AASDH: variants seen among roughly 807,000 people sequenced by gnomAD.
AASDH encodes the protein beta-alanine-activating enzyme.
In AASDH, 81 loss-of-function variants were observed where a neutral mutation model predicts 102.3. The observed-to-expected ratio is 0.79, with a 90% CI of 0.66 to 0.95. The LOEUF (loss-of-function observed/expected upper bound fraction) is 0.95. Among genes scored for constraint, AASDH ranks in the 40% least tolerant of loss-of-function variants. The pLI, the probability that AASDH is intolerant of heterozygous loss-of-function variation, is 0.00. For synonymous variants in AASDH, 398 were observed against 454.0 expected, an observed-to-expected ratio of 0.88 and a Z score of 1.57; for missense variants, 1,203 against 1,266.2, an observed-to-expected ratio of 0.95 and a Z score of 0.76.
chr4:56,371,416 T>C (rs756540211), intron 5 of AASDH, 35 bp downstream of exon 5: 6 of 1,547,302 alleles, frequency 3.9e-6, no homozygotes, highest in East Asian at 2.3e-5. Flanking sequence ...TATTGAAAAA[T>C]GATAAACAAA....
chr4:56,360,945 G>A (rs2109925015), intron 5 of AASDH, among the ~76,000 whole-genome samples: 1 of 152,270 alleles, frequency 6.6e-6, no homozygotes, highest in South Asian at 2.1e-4. Context: ...TACCTGTTAT[G>A]CCAAGAAGTT....
Position 56,338,753 on chromosome 4 carries a change from G to A in AASDH, c.2946C>T (p.Ser982=), listed in dbSNP as rs1444511978. 1.2e-6 allele frequency: 2 copies of A among 1,613,920 alleles called. No individual in the cohort carries two copies. Among genetic ancestry groups the A allele is most frequent in the Non-Finnish European group, 1.7e-6 (2 of 1,179,994 alleles). ...QFSTSGPIFS[S]PCTSPSEQKI... is the part of the protein sequence containing the mutation. ...TTTGCTCTGATGGTGAGGTACACGGGGATGAAAAGATTGGTCCACTGGTAG... is the reference window on the plus strand; with the variant it reads ...TTTGCTCTGATGGTGAGGTACACGGAGATGAAAAGATTGGTCCACTGGTAG... The change falls in exon 15 of 15, where the codon TCC becomes TCT. Residue 982 remains serine, a synonymous_variant. Transcript: ENST00000205214.
At chr4:56,373,856 A>T (rs1181294351) in intron 4 of AASDH, among the ~76,000 whole-genome samples, 1 of 152,208 alleles carries the variant, frequency 6.6e-6, no homozygotes, top group African/African-American at 2.4e-5. Flanking sequence ...TCATTTCACG[A>T]AAGCAGCTTA....
chr4:56,377,779 T>C (rs79731077), intron 4 of AASDH, among the ~76,000 whole-genome samples: 1,948 of 149,976 alleles, frequency 0.013, 49 homozygotes, highest in African/African-American at 0.044. Context: ...TTTAAAATTA[T>C]TTTTTTCCCT....
At chr4:56,353,680 C>A in intron 8 of AASDH, 84 bp from the exon 9 acceptor site, 1 of 1,254,778 alleles carries the variant, frequency 8.0e-7, no homozygotes. Context: ...TGTCTGAAAT[C>A]AAAACAGCTG....
At chr4:56,353,984 G>T in intron 8 of AASDH, 55 bp downstream of exon 8, 1 of 1,452,092 alleles carries the variant, frequency 6.9e-7, no homozygotes, top group Non-Finnish European at 9.1e-7. Flanking sequence ...ATTGGTGGTG[G>T]CTGCTTCTAC....
chr4:56,368,173 C>T (rs1363885117), intron 5 of AASDH, among the ~76,000 whole-genome samples: 2 of 152,170 alleles, frequency 1.3e-5, no homozygotes, highest in East Asian at 1.9e-4. Flanking sequence ...AATGAGATAC[C>T]ATCTCTCACT....
At chr4:56,366,533 G>T (rs1751034564) in intron 5 of AASDH, among the ~76,000 whole-genome samples, 4 of 151,944 alleles carry the variant, frequency 2.6e-5, no homozygotes, top group African/African-American at 9.7e-5. Context: ...TGATCAAGTG[G>T]GCTTCATCCC....
At chr4:56,349,035 G>A (rs905082879) in intron 11 of AASDH, 2 of 541,378 alleles carry the variant, frequency 3.7e-6, no homozygotes, top group Non-Finnish European at 6.4e-6. Context: ...AAGAGGTTCA[G>A]TAACTTGCCA....
chr4:56,377,734 A>G (rs1752520530), intron 4 of AASDH, among the ~76,000 whole-genome samples: 1 of 152,214 alleles, frequency 6.6e-6, no homozygotes, highest in South Asian at 2.1e-4. Flanking sequence ...TCTTAGGACT[A>G]TTAATTTAGG....
chr4:56,383,919 G>T (rs200419125), intron 2 of AASDH, 151 bp downstream of exon 2: 97 of 345,320 alleles, frequency 2.8e-4, no homozygotes, highest in Admixed American at 8.0e-5. Context: ...AAATAATACT[G>T]GGGAAATGCA....
chr4:56,354,464 G>C (rs183500939), intron 7 of AASDH, among the ~76,000 whole-genome samples: 4 of 151,866 alleles, frequency 2.6e-5, no homozygotes, highest in African/African-American at 9.7e-5. Flanking sequence ...TATAATTTTG[G>C]CTATAAATAT....
intron 14 of AASDH, 47 bp from the exon 15 acceptor site, chr4:56,338,838 C>T: frequency 6.5e-7 from 1 of 1,538,262 alleles, no homozygotes; most frequent in East Asian, 2.4e-5. Context: ...TCTAATTGCT[C>T]CAATTCTCCC....
intron 12 of AASDH, among the ~76,000 whole-genome samples, chr4:56,344,723 C>G (rs769351019): frequency 1.3e-5 from 2 of 152,070 alleles, no homozygotes; most frequent in African/African-American, 2.4e-5. Flanking sequence ...CTGAGTAGCA[C>G]ACTTATTTGT....
chr4:56,377,045 C>T (rs983308507), intron 4 of AASDH, among the ~76,000 whole-genome samples: 9 of 141,530 alleles, frequency 6.4e-5, no homozygotes, highest in East Asian at 6.1e-4. Flanking sequence ...CCAGCCTGGG[C>T]GACAGAGCGA....
chr4:56,350,013 A>T lies in AASDH; in HGVS notation c.1738T>A (p.Ser580Thr). 2 of 1,607,516 alleles carry T rather than the reference A, an allele frequency of 1.2e-6. No individual in the cohort carries two copies. The highest frequency in any genetic ancestry group is 1.7e-6 in the Non-Finnish European group (2 of 1,179,594). ...TCTCCACCACTATTTAAGAAGAGTG[A>T]CTCATCAGGAACCCTCAAAAGATCT... ...PEDLLRVPDE[S>T]LFLNSGGDSL... Residue 580 changes from serine (S) to threonine (T), a missense_variant, in exon 11 of 15, where the codon TCA (serine) becomes ACA (threonine). By Grantham distance (58) the Ser-to-Thr change is moderately conservative. Coordinates refer to ENST00000205214, the MANE Select transcript of AASDH (RefSeq NM_181806.4).
intron 3 of AASDH, 113 bp downstream of exon 3, chr4:56,382,362 CTG>C: frequency 9.6e-7 from 1 of 1,044,114 alleles, no homozygotes; most frequent in South Asian, 1.6e-5. Flanking sequence ...AGTGCAAAGA[CTG>C]AGAAACCTTG....
At chr4:56,353,370 G>A in intron 9 of AASDH, 34 bp downstream of exon 9, 5 of 1,491,230 alleles carry the variant, frequency 3.4e-6, no homozygotes, top group Non-Finnish European at 4.6e-6. Context: ...AGTATTATTT[G>A]GCACTGAAAC....
Position 56,349,824 on chromosome 4 carries a change from C to CA in AASDH, c.1926dup (p.Ala643CysfsTer10), listed in dbSNP as rs758508593. 6.2e-7 allele frequency: 1 copy of CA among 1,614,136 alleles called. No homozygotes were observed. Among genetic ancestry groups the CA allele is most frequent in the South Asian group, 1.1e-5 (1 of 91,074 alleles). On this transcript the variant is annotated frameshift_variant, in exon 11 of 15. Transcript: ENST00000205214. LOFTEE classifies it high-confidence loss of function. ...ATGTCGCTGAGTTTCCTTTTTGTGG[C>CA]ACAACTCTTCCTGAATGTCACATCT...
Sources: allele counts gnomAD v4.1 joint callset (sites outside exome capture counted in the v4.1 genomes callset), GRCh38; gene constraint gnomAD v4.1.1; transcripts MANE v1.5; gene names NCBI Gene and HGNC (gene_info 2026-07-23, HGNC 2026-07-21).